The following MYO1B variants were observed in gnomAD, a reference collection of about 807,000 sequenced individuals.
MYO1B encodes the protein unconventional myosin-Ib.
MYO1B carries 72 observed loss-of-function variants against 159.7 expected under a neutral mutation model. The observed-to-expected ratio is 0.45, with a 90% CI of 0.37 to 0.55. The LOEUF (loss-of-function observed/expected upper bound fraction) is 0.55, where lower values mean the gene tolerates loss of function less well. MYO1B is among the 20% of genes least tolerant of loss of function. The pLI, the probability that MYO1B is intolerant of heterozygous loss-of-function variation, is 0.00. For synonymous variants in MYO1B, 468 were observed against 473.8 expected (o/e 0.99, Z 0.16); for missense variants, 1,062 against 1,364.8 (o/e 0.78, Z 3.50).
intron 25 of MYO1B, among the ~76,000 whole-genome samples, 197 bp from the exon 26 acceptor site, chr2:191,408,847 A>G (rs974493257): frequency 4.6e-5 from 7 of 152,168 alleles, no homozygotes; most frequent in Non-Finnish European, 8.8e-5. Context: ...TTTTCTCTTA[A>G]CCATTTGGTA....
In MYO1B at chr2:191,263,342, A is replaced by G. The variant is rs1466672545; in HGVS notation, c.-9-13545A>G. 4 of 985,008 alleles carry G rather than the reference A, an allele frequency of 4.1e-6. No homozygotes were observed. The African/African-American group carries it at 7.0e-5, about 17-fold the overall frequency. The allele number at this position is 985,008 out of a possible 1,614,324, so 61.0% of individuals were successfully genotyped here. A position where few individuals can be genotyped will look rare whatever the true frequency, so the allele number is the denominator to read the frequency against. ...CTCTCTTTCATATGAACTGAAGGCTAAAGTGCTAGTTAAATCAGTGGAAAA... is the reference window on the plus strand; with the variant it reads ...CTCTCTTTCATATGAACTGAAGGCTGAAGTGCTAGTTAAATCAGTGGAAAA... On this transcript the variant is annotated intron_variant, in intron 1 of 30. Transcript: ENST00000392318.
chr2:191,420,766 A>G (rs1697886205), intron 30 of MYO1B, among the ~76,000 whole-genome samples: 1 of 152,246 alleles, frequency 6.6e-6, no homozygotes, highest in Admixed American at 6.5e-5. Flanking sequence ...CGTGTGTACA[A>G]TAGATACACA....
intron 13 of MYO1B, 183 bp from the exon 14 acceptor site, chr2:191,381,279 C>G: frequency 1.5e-6 from 1 of 679,716 alleles, no homozygotes; most frequent in Non-Finnish European, 2.7e-6. Flanking sequence ...TTCACTTACT[C>G]ATGACCCACT....
chr2:191,368,454 T>C (rs1160312687), intron 11 of MYO1B, among the ~76,000 whole-genome samples: 1 of 152,188 alleles, frequency 6.6e-6, no homozygotes, highest in Non-Finnish European at 1.5e-5. Flanking sequence ...ACTTACTTAC[T>C]GTATGCTCTG....
Position 191,385,498 on chromosome 2 carries a change from G to C in MYO1B, c.1354-386G>C, listed in dbSNP as rs142243062. ...GCTTTGTGATTTGAGACATGTTATAGAGGCTGTATTGTCACATTCATTTCT... is the reference window on the plus strand; with the variant it reads ...GCTTTGTGATTTGAGACATGTTATACAGGCTGTATTGTCACATTCATTTCT... On this transcript the variant is annotated intron_variant, in intron 15 of 30. Transcript: ENST00000392318. 3.4e-5 allele frequency among the ~76,000 whole-genome samples: 5 copies of C among 148,386 alleles called. No homozygotes were observed. The East Asian group carries it at 1.0e-3, about 30-fold the overall frequency.
chr2:191,350,337 C>A, intron 7 of MYO1B, 112 bp downstream of exon 7: 1 of 689,186 alleles, frequency 1.5e-6, no homozygotes, highest in Non-Finnish European at 2.4e-6. Flanking sequence ...TGTTTCCTTG[C>A]TTTATATTTA....
At chr2:191,386,472 T>C (rs1161418204) in intron 16 of MYO1B, among the ~76,000 whole-genome samples, 6 of 151,862 alleles carry the variant, frequency 4.0e-5, no homozygotes, top group Admixed American at 3.9e-4. Flanking sequence ...TAATGAATTA[T>C]TTGAGATTTT....
At chr2:191,356,353 T>TTTTTGAG (rs1203610965) in intron 7 of MYO1B, among the ~76,000 whole-genome samples, 2 of 150,700 alleles carry the variant, frequency 1.3e-5, no homozygotes, top group Middle Eastern at 3.4e-3. Context: ...TTTTTTTTTT[T>TTTTTGAG]TTTTGAGTTT....
chr2:191,359,363 T>G (rs369654765), intron 7 of MYO1B, among the ~76,000 whole-genome samples: 2 of 150,848 alleles, frequency 1.3e-5, no homozygotes, highest in East Asian at 3.9e-4. Context: ...TTATTTTCCA[T>G]CTATGATTTG....
chr2:191,248,088 A>C (rs929939317), intron 1 of MYO1B: 18 of 922,830 alleles, frequency 2.0e-5, no homozygotes, highest in Non-Finnish European at 2.2e-5. Context: ...CCTTTGGGTA[A>C]GATTGTCTTC....
At chr2:191,309,039 C>G (rs987971670) in intron 3 of MYO1B, among the ~76,000 whole-genome samples, 3 of 152,168 alleles carry the variant, frequency 2.0e-5, no homozygotes, top group African/African-American at 7.2e-5. Context: ...CAAATACCCT[C>G]TGTGTGCTGA....
intron 6 of MYO1B, among the ~76,000 whole-genome samples, chr2:191,349,255 C>T (rs1346701689): frequency 6.6e-6 from 1 of 152,094 alleles, no homozygotes; most frequent in Non-Finnish European, 1.5e-5. Context: ...GTAGAGGACC[C>T]ATGATGATGA....
chr2:191,399,616 G>A (rs1192248983), intron 21 of MYO1B, among the ~76,000 whole-genome samples: 1 of 152,216 alleles, frequency 6.6e-6, no homozygotes, highest in East Asian at 1.9e-4. Flanking sequence ...GATCCAGAGG[G>A]GTAGTGCCCA....
chr2:191,333,409 A>G (rs139004370), intron 4 of MYO1B, among the ~76,000 whole-genome samples: 3,335 of 152,312 alleles, frequency 0.022, 53 homozygotes, highest in Middle Eastern at 0.041. Flanking sequence ...ACCACTAGTC[A>G]ACCTAGTTAT....
At chr2:191,268,313 A>G (rs1687260751) in intron 1 of MYO1B, among the ~76,000 whole-genome samples, 1 of 152,192 alleles carries the variant, frequency 6.6e-6, no homozygotes, top group Non-Finnish European at 1.5e-5. Context: ...ACAGAGAAAG[A>G]GCGAACCCTG....
chr2:191,376,520 C>G (rs1694722055), intron 13 of MYO1B, among the ~76,000 whole-genome samples: 1 of 152,168 alleles, frequency 6.6e-6, no homozygotes. Context: ...GTGATATACA[C>G]TCAAAATCCT....
At chr2:191,292,446 T>A (rs1345894318) in intron 2 of MYO1B, among the ~76,000 whole-genome samples, 1 of 152,128 alleles carries the variant, frequency 6.6e-6, no homozygotes, top group Non-Finnish European at 1.5e-5. Context: ...ATAGGTAGAT[T>A]TAAAATTTTT....
intron 3 of MYO1B, among the ~76,000 whole-genome samples, chr2:191,298,682 A>T (rs1307974656): frequency 6.6e-6 from 1 of 152,232 alleles, no homozygotes; most frequent in Non-Finnish European, 1.5e-5. Flanking sequence ...TAATAAAAGT[A>T]TTTATGGCTA....
At position 191,410,513 on chromosome 2, in the gene MYO1B, A is replaced by G. The variant is rs546957993; in HGVS notation, c.2767-553A>G. ...GTAAAATGGTAGTGGGGGGATTTGG[A>G]GCAGTGGTTTTCAAACTGTCATAGC... is the stretch of plus-strand genomic sequence containing the variant. On this transcript the variant is annotated intron_variant, in intron 26 of 30. Transcript: ENST00000392318. Among the ~76,000 whole-genome samples, 37 of 152,264 alleles carry G rather than the reference A, an allele frequency of 2.4e-4. No individual in the cohort carries two copies. The South Asian group carries it at 7.5e-3, about 31-fold the overall frequency.
Sources: allele counts gnomAD v4.1 joint callset (sites outside exome capture counted in the v4.1 genomes callset), GRCh38; gene constraint gnomAD v4.1.1; transcripts MANE v1.5; gene names NCBI Gene and HGNC (gene_info 2026-07-23, HGNC 2026-07-21).